The following USP39 variants were observed in gnomAD, a reference collection of about 807,000 sequenced individuals.
USP39 encodes the protein ubiquitin specific peptidase 39.
Under a neutral mutation model 66.4 loss-of-function variants are expected in USP39, and 38 were observed. That is an observed-to-expected ratio of 0.57 (90% confidence interval 0.44 to 0.75). USP39 has a LOEUF of 0.75. Ranked by LOEUF, USP39 falls within the 30% of genes least tolerant of loss-of-function variation. The pLI is 0.00. For synonymous variants in USP39, 303 were observed against 274.6 expected (o/e 1.10, Z -1.02); for missense variants, 608 against 714.4 (o/e 0.85, Z 1.70).
In USP39 at chr2:85,623,689, T is replaced by C. The variant is rs1401145622; in HGVS notation, c.477T>C (p.Phe159=). ...KSHAYIHSVQ[F]SHHVFLNLHT... ...ACGCCTACATTCACAGTGTCCAGTT[T>C]AGCCACCATGTTTTCCTCAACCTCC... Residue 159 remains phenylalanine, a synonymous_variant, in exon 4 of 13, where the codon TTT becomes TTC. Transcript: ENST00000323701. 3.1e-6 allele frequency: 5 copies of C among 1,614,094 alleles called. No homozygotes were observed. The Admixed American group carries it at 8.3e-5, about 27-fold the overall frequency.
In USP39 at chr2:85,637,456, G is replaced by T. The variant is rs753715342; in HGVS notation, c.1095+20G>T. The T allele has an allele frequency of 1.9e-6, 3 of 1,612,878 alleles. No individual in the cohort carries two copies. The highest frequency in any genetic ancestry group is 2.5e-6 in the Non-Finnish European group (3 of 1,178,884). On this transcript the variant is annotated intron_variant, in intron 8 of 12. Transcript: ENST00000323701. ...GATCTGGTGAGTTAATTGAGCCTGGGTCTTGGACTGATTCATATTGCTTGA... is the reference window on the plus strand; with the variant it reads ...GATCTGGTGAGTTAATTGAGCCTGGTTCTTGGACTGATTCATATTGCTTGA...
intron 2 of USP39, among the ~76,000 whole-genome samples, chr2:85,620,794 T>G (rs1010641580): frequency 1.3e-5 from 2 of 152,132 alleles, no homozygotes; most frequent in Admixed American, 6.5e-5. Context: ...ACAGCATAGC[T>G]CTTTGGGATT....
At chr2:85,611,465 A>G, upstream of USP39, 1 of 1,547,180 alleles carries the variant, frequency 6.5e-7, no homozygotes, top group Non-Finnish European at 8.7e-7. Context: ...TCTGACAGCG[A>G]TGCTTAACTG....
chr2:85,644,798 C>T (rs1020356990), intron 10 of USP39, 150 bp from the exon 11 acceptor site: 16 of 895,904 alleles, frequency 1.8e-5, no homozygotes, highest in African/African-American at 1.2e-4. Flanking sequence ...TGAATTCCAA[C>T]GCACCTGGAC....
chr2:85,622,109 C>T (rs952630883), intron 3 of USP39, among the ~76,000 whole-genome samples: 17 of 151,784 alleles, frequency 1.1e-4, no homozygotes, highest in African/African-American at 1.7e-4. Flanking sequence ...CGTGAGCCAC[C>T]GCGCCCGGCC....
At chr2:85,639,822 C>T (rs913656545) in intron 9 of USP39, 1 of 153,754 alleles carries the variant, frequency 6.5e-6, no homozygotes, top group Non-Finnish European at 1.4e-5. Context: ...TTTATTGAGC[C>T]TCCCAGACTC....
intron 7 of USP39, among the ~76,000 whole-genome samples, chr2:85,636,678 G>A (rs1439685835): frequency 1.3e-5 from 2 of 151,990 alleles, no homozygotes; most frequent in African/African-American, 2.4e-5. Context: ...GCTGATTTTT[G>A]TATTTTTAGT....
intron 5 of USP39, among the ~76,000 whole-genome samples, chr2:85,628,607 T>A (rs1238025512): frequency 6.6e-6 from 1 of 152,186 alleles, no homozygotes; most frequent in African/African-American, 2.4e-5. Flanking sequence ...TAGGGTTGAC[T>A]GGACCAGATC....
chr2:85,644,947 G>A lies in USP39; in HGVS notation c.1428-1G>A. On this transcript the variant is annotated splice_acceptor_variant, in intron 10 of 12. Transcript: ENST00000323701. LOFTEE classifies it high-confidence loss of function. ...TCCGGCTTTATTTTAACCATTAACA[G>A]AAATGTGGATCTGAGAGAATACTTG... 1 of 1,613,984 alleles carries A rather than the reference G, an allele frequency of 6.2e-7. No individual in the cohort carries two copies. Among genetic ancestry groups the A allele is most frequent in the Non-Finnish European group, 8.5e-7 (1 of 1,179,962 alleles).
At chr2:85,629,052 C>T (rs548837578) in intron 5 of USP39, among the ~76,000 whole-genome samples, 9 of 152,174 alleles carry the variant, frequency 5.9e-5, no homozygotes, top group Non-Finnish European at 1.5e-5. Context: ...GGTCCTCTTC[C>T]TCCCAGTTTC....
At chr2:85,615,436 T>A (rs1673853906), upstream of USP39, among the ~76,000 whole-genome samples, 1 of 152,210 alleles carries the variant, frequency 6.6e-6, no homozygotes, top group Non-Finnish European at 1.5e-5. Context: ...ATTAGCTTCA[T>A]GGTAAATCTG....
At chr2:85,626,357 C>T (rs571980888) in intron 5 of USP39, among the ~76,000 whole-genome samples, 17 of 152,184 alleles carry the variant, frequency 1.1e-4, no homozygotes, top group Middle Eastern at 3.4e-3. Context: ...GAAACTCCTC[C>T]GTCTCAAAAA....
At chr2:85,640,774 T>C (rs972774367) in intron 9 of USP39, among the ~76,000 whole-genome samples, 2 of 136,270 alleles carry the variant, frequency 1.5e-5, no homozygotes, top group Admixed American at 7.2e-5. Flanking sequence ...GGCCCGGCCT[T>C]TTTTTTTTTT....
intron 6 of USP39, among the ~76,000 whole-genome samples, chr2:85,631,928 T>A (rs1322783500): frequency 1.5e-5 from 2 of 130,306 alleles, no homozygotes; most frequent in Non-Finnish European, 3.1e-5. Context: ...TTTGTATTTT[T>A]AGTAGAGAGG....
upstream of USP39, chr2:85,612,319 C>G: frequency 6.5e-7 from 1 of 1,536,042 alleles, no homozygotes; most frequent in Non-Finnish European, 8.7e-7. Flanking sequence ...ATCTATAACA[C>G]AACTCGATGC....
chr2:85,621,610 C>T (rs201364857), intron 3 of USP39, 31 bp downstream of exon 3: 19 of 1,547,464 alleles, frequency 1.2e-5, no homozygotes, highest in Non-Finnish European at 1.7e-5. Context: ...AACTGCAGAT[C>T]TGCTCCAGAG....
upstream of USP39, chr2:85,612,178 G>A (rs1673601169): frequency 1.1e-6 from 1 of 951,812 alleles, no homozygotes; most frequent in Middle Eastern, 2.5e-4. Flanking sequence ...AGTAGGGTAT[G>A]CTTGACTTCC....
upstream of USP39, among the ~76,000 whole-genome samples, chr2:85,614,959 G>C (rs1673810133): frequency 6.7e-6 from 1 of 149,762 alleles, no homozygotes; most frequent in South Asian, 2.1e-4. Flanking sequence ...CCGCAAGTCA[G>C]AATTCAGTAA....
chr2:85,646,617 C>T (rs1676662979), intron 11 of USP39, among the ~76,000 whole-genome samples: 1 of 152,166 alleles, frequency 6.6e-6, no homozygotes, highest in Admixed American at 6.5e-5. Context: ...TTCCTATATT[C>T]TCAACTATTG....
Sources: gnomAD v4.1 joint callset for allele counts (sites outside exome capture counted in the v4.1 genomes callset) on GRCh38, gnomAD v4.1.1 for gene constraint, MANE v1.5 for transcripts, NCBI Gene and HGNC (gene_info 2026-07-23, HGNC 2026-07-21) for gene names.